Variants in ANO3 observed in about 807,000 individuals in gnomAD.
ANO3 encodes anoctamin-3.
ANO3 carries 99 observed loss-of-function variants against 144.8 expected under a neutral mutation model. The ratio of observed to expected loss-of-function variants is 0.68; its 90% CI spans 0.58 to 0.81. The LOEUF (loss-of-function observed/expected upper bound fraction) is 0.81, where lower values mean the gene tolerates loss of function less well. Ranked by LOEUF, ANO3 falls within the 30% of genes least tolerant of loss-of-function variation. The pLI, the probability that ANO3 is intolerant of heterozygous loss-of-function variation, is 0.00. For missense variants in ANO3, 905 were observed against 1,202.2 expected, an observed-to-expected ratio of 0.75 and a Z score of 3.66; for synonymous variants, 414 against 392.6, an observed-to-expected ratio of 1.05 and a Z score of -0.64.
At chr11:26,381,189 C>T (rs143957986) in intron 1 of ANO3, among the ~76,000 whole-genome samples, 156 of 152,134 alleles carry the variant, frequency 1.0e-3, no homozygotes, top group African/African-American at 3.1e-3. Context: ...AATGGGGTAA[C>T]GTATTAGGTA....
At chr11:26,504,557 A>AG (rs1399805609) in intron 4 of ANO3, among the ~76,000 whole-genome samples, 2 of 133,984 alleles carry the variant, frequency 1.5e-5, no homozygotes, top group African/African-American at 2.6e-5. Flanking sequence ...ATGTATTAGA[A>AG]GGTAGCAGAT....
chr11:26,235,277 A>G (rs1852495005), intron 1 of ANO3, among the ~76,000 whole-genome samples: 1 of 152,222 alleles, frequency 6.6e-6, no homozygotes, highest in Admixed American at 6.5e-5. Context: ...CATATACAAG[A>G]CTGCATATAC....
At chr11:26,195,741 C>A (rs1326936807) in intron 1 of ANO3, among the ~76,000 whole-genome samples, 2 of 152,136 alleles carry the variant, frequency 1.3e-5, no homozygotes, top group Non-Finnish European at 2.9e-5. Flanking sequence ...TTCTTACTCC[C>A]AAGGGTCATC....
At chr11:26,508,482 CTA>C (rs1413762970) in intron 5 of ANO3, 1 of 415,960 alleles carries the variant, frequency 2.4e-6, no homozygotes, top group Non-Finnish European at 4.2e-6. Context: ...AAGGGCATGA[CTA>C]TTTTTGCAAT....
At chr11:26,277,861 C>A (rs975804523) in intron 1 of ANO3, among the ~76,000 whole-genome samples, 1 of 151,510 alleles carries the variant, frequency 6.6e-6, no homozygotes, top group Non-Finnish European at 1.5e-5. Flanking sequence ...TGCCTGTGAT[C>A]AAAAAAATAC....
At chr11:26,510,153 AGAGT>A (rs377496996) in intron 5 of ANO3, among the ~76,000 whole-genome samples, 84,222 of 126,654 alleles carry the variant, frequency 0.66, 27,762 homozygotes, top group East Asian at 0.79. Flanking sequence ...AAAAAAAAAA[AGAGT>A]AGAAAAGAAA....
chr11:26,289,561 T>G (rs1398431240), intron 1 of ANO3, among the ~76,000 whole-genome samples: 1 of 117,036 alleles, frequency 8.5e-6, no homozygotes, highest in Non-Finnish European at 1.6e-5. Context: ...TGTGTGTATA[T>G]GTACATATAC....
rs1308412732 is a variant in ANO3, at chr11:26,602,890, T to C, written c.1836+3176T>C. ...CCATGTAATTACTGTGCTGGTAAGT[T>C]TGAAAACTCTCAAGAAAATGTAAGC... On this transcript the variant is annotated intron_variant, in intron 17 of 26. Coordinates refer to ENST00000256737, the MANE Select transcript of ANO3 (RefSeq NM_031418.4). 2.6e-5 allele frequency among the ~76,000 whole-genome samples: 4 copies of C among 152,146 alleles called. No individual in the cohort carries two copies. The South Asian group carries it at 8.3e-4, about 32-fold the overall frequency.
At chr11:26,283,326 ATATAT>A (rs1564947764) in intron 1 of ANO3, among the ~76,000 whole-genome samples, 47 of 19,316 alleles carry the variant, frequency 2.4e-3, no homozygotes, top group African/African-American at 3.9e-3. Flanking sequence ...AAATAAATAT[ATATAT>A]ATATATATAT....
At chr11:26,261,584 C>T (rs887939770) in intron 1 of ANO3, among the ~76,000 whole-genome samples, 10 of 152,158 alleles carry the variant, frequency 6.6e-5, no homozygotes, top group Non-Finnish European at 1.2e-4. Context: ...CAGCCTTCTC[C>T]GATGACTTGA....
At position 26,641,884 on chromosome 11, in the gene ANO3, T is replaced by G. The variant is rs1476904068; in HGVS notation, c.2142-12T>G. On this transcript the variant is annotated splice_polypyrimidine_tract_variant and intron_variant, in intron 21 of 26. Coordinates refer to ENST00000256737, the MANE Select transcript of ANO3 (RefSeq NM_031418.4). The stretch of plus-strand genomic sequence containing the variant: ...CAGAGCTCAAAAGTCCTTGGTCTGC[T>G]CTGTGATGTAGGTTGATCCAGAACT... The G allele has an allele frequency of 6.2e-7, 1 of 1,613,684 alleles. No individual in the cohort carries two copies. The highest frequency in any genetic ancestry group is 2.2e-5 in the East Asian group (1 of 44,856).
intron 23 of ANO3, among the ~76,000 whole-genome samples, chr11:26,644,638 TATCCTTGAGA>T (rs2133067413): frequency 6.6e-6 from 1 of 152,350 alleles, no homozygotes; most frequent in South Asian, 2.1e-4. Context: ...ATTGTTGTTC[TATCCTTGAGA>T]ATCTGAAGAG....
At chr11:26,351,174 A>T (rs1367347676) in intron 1 of ANO3, among the ~76,000 whole-genome samples, 1 of 152,146 alleles carries the variant, frequency 6.6e-6, no homozygotes, top group African/African-American at 2.4e-5. Context: ...TTTTCTCTAC[A>T]TACTGATAAT....
upstream of ANO3, among the ~76,000 whole-genome samples, chr11:26,307,980 T>G (rs1009542620): frequency 6.6e-6 from 1 of 152,160 alleles, no homozygotes; most frequent in Non-Finnish European, 1.5e-5. Flanking sequence ...TGAAGTTACC[T>G]TGTAATTTCC....
At chr11:26,601,444 A>C (rs293954) in intron 17 of ANO3, among the ~76,000 whole-genome samples, 17,626 of 152,282 alleles carry the variant, frequency 0.12, 1,171 homozygotes, top group Admixed American at 0.21. Flanking sequence ...GGTCCAGTTT[A>C]GTTTGTAGAA....
At chr11:26,240,054 G>A (rs1170098441) in intron 1 of ANO3, among the ~76,000 whole-genome samples, 1 of 152,118 alleles carries the variant, frequency 6.6e-6, no homozygotes, top group Non-Finnish European at 1.5e-5. Context: ...TTCTAACTCA[G>A]CCCCACTTAT....
Position 26,607,598 on chromosome 11 carries a change from G to C in ANO3, c.1836+7884G>C, listed in dbSNP as rs182170440. Among the ~76,000 whole-genome samples the C allele has an allele frequency of 6.2e-4, 94 of 152,040 alleles. 1 individual carries two copies. Among genetic ancestry groups the C allele is most frequent in the Non-Finnish European group, 1.0e-3 (69 of 67,980 alleles). ...AAACTCTGACATCCTTTCTAATATTGCCAGTGGGGTGTTAAGGCCTCCTAC... is the reference window on the plus strand; with the variant it reads ...AAACTCTGACATCCTTTCTAATATTCCCAGTGGGGTGTTAAGGCCTCCTAC... On this transcript the variant is annotated intron_variant, in intron 17 of 26. Transcript: ENST00000256737.
At chr11:26,640,593 T>TA (rs1377082534) in intron 21 of ANO3, among the ~76,000 whole-genome samples, 1 of 152,188 alleles carries the variant, frequency 6.6e-6, no homozygotes, top group African/African-American at 2.4e-5. Context: ...CATTGCAGTA[T>TA]AAAAAAGTTG....
upstream of ANO3, chr11:26,331,319 C>G (rs1194447860): frequency 6.6e-6 from 1 of 152,104 alleles, no homozygotes; most frequent in Non-Finnish European, 1.5e-5. Flanking sequence ...GCACATGTAC[C>G]ACGAACTTAA....
Sources: allele counts gnomAD v4.1 joint callset (sites outside exome capture counted in the v4.1 genomes callset), GRCh38; gene constraint gnomAD v4.1.1; transcripts MANE v1.5; gene names NCBI Gene and HGNC (gene_info 2026-07-23, HGNC 2026-07-21).